The following CCSER1 variants were observed in gnomAD, a reference collection of about 807,000 sequenced individuals.
CCSER1 encodes serine-rich coiled-coil domain-containing protein 1.
Under a neutral mutation model 82.0 loss-of-function variants are expected in CCSER1, and 41 were observed. The ratio of observed to expected loss-of-function variants is 0.50; its 90% CI spans 0.39 to 0.65. The LOEUF (loss-of-function observed/expected upper bound fraction) is 0.65, where lower values mean the gene tolerates loss of function less well. CCSER1 is among the 30% of genes least tolerant of loss of function. The pLI, the probability that CCSER1 is intolerant of heterozygous loss-of-function variation, is 0.00. For synonymous variants in CCSER1, 414 were observed against 383.9 expected (o/e 1.08, Z -0.92); for missense variants, 1,119 against 1,064.2 (o/e 1.05, Z -0.72).
At chr4:91,338,885 A>AT (rs1251448661) in intron 10 of CCSER1, among the ~76,000 whole-genome samples, 7 of 152,068 alleles carry the variant, frequency 4.6e-5, no homozygotes, top group East Asian at 1.9e-4. Context: ...AAAGCACAGA[A>AT]TTTTTTGTTT....
At chr4:90,712,903 C>T (rs72661882) in intron 6 of CCSER1, among the ~76,000 whole-genome samples, 31,198 of 133,408 alleles carry the variant, frequency 0.23, 3,897 homozygotes, top group African/African-American at 0.4. Context: ...TCCTTCGTCT[C>T]TTTTTTTTTT....
chr4:91,397,934 TG>T (rs1270917021), intron 10 of CCSER1, among the ~76,000 whole-genome samples: 1 of 151,912 alleles, frequency 6.6e-6, no homozygotes, highest in Admixed American at 6.6e-5. Context: ...AGGACGGGCA[TG>T]GGTAGAGAGG....
At chr4:90,426,601 G>A (rs1244717581) in intron 4 of CCSER1, among the ~76,000 whole-genome samples, 1 of 151,926 alleles carries the variant, frequency 6.6e-6, no homozygotes, top group Non-Finnish European at 1.5e-5. Flanking sequence ...AGATTTCTTA[G>A]GAATCATGTA....
At chr4:90,803,173 A>G (rs1207601103) in intron 7 of CCSER1, among the ~76,000 whole-genome samples, 1 of 152,120 alleles carries the variant, frequency 6.6e-6, no homozygotes, top group East Asian at 1.9e-4. Context: ...TGAGAATTAG[A>G]AATTATTATT....
At chr4:91,242,663 A>G (rs1234916131) in intron 10 of CCSER1, among the ~76,000 whole-genome samples, 2 of 152,204 alleles carry the variant, frequency 1.3e-5, no homozygotes, top group African/African-American at 4.8e-5. Flanking sequence ...CATTGAAATT[A>G]AAAATATCTA....
chr4:90,416,243 T>C (rs1755768835), intron 4 of CCSER1, among the ~76,000 whole-genome samples: 1 of 152,182 alleles, frequency 6.6e-6, no homozygotes, highest in African/African-American at 2.4e-5. Flanking sequence ...TAAAAATAGG[T>C]TGATGGAAAG....
intron 9 of CCSER1, among the ~76,000 whole-genome samples, chr4:90,948,621 A>C (rs1255803835): frequency 6.6e-6 from 1 of 151,994 alleles, no homozygotes; most frequent in Non-Finnish European, 1.5e-5. Context: ...TTTGGCAATA[A>C]TTTTCTAAGT....
At position 90,987,630 on chromosome 4, in the gene CCSER1, C is replaced by T. The variant is rs144508449; in HGVS notation, c.2172+64183C>T. Reference sequence around the variant, plus strand: ...GAGGAAAAAAAATGAATTTTTATTACTTTTTAATTCAACTTGTGTTTTTTC... The same window carrying T: ...GAGGAAAAAAAATGAATTTTTATTATTTTTTAATTCAACTTGTGTTTTTTC... On this transcript the variant is annotated intron_variant, in intron 9 of 10. Transcript: ENST00000509176. 5.6e-3 allele frequency among the ~76,000 whole-genome samples: 855 copies of T among 151,698 alleles called. 6 individuals carry two copies. Among genetic ancestry groups the T allele is most frequent in the African/African-American group, 0.019 (805 of 41,422 alleles).
intron 5 of CCSER1, among the ~76,000 whole-genome samples, chr4:90,602,330 CT>C (rs1330944337): frequency 6.6e-6 from 1 of 152,084 alleles, no homozygotes; most frequent in Non-Finnish European, 1.5e-5. Flanking sequence ...ATAACCTCCT[CT>C]TTTTATGTAG....
chr4:90,660,847 G>A (rs541262685), intron 6 of CCSER1, among the ~76,000 whole-genome samples: 31 of 152,190 alleles, frequency 2.0e-4, no homozygotes, highest in Middle Eastern at 3.4e-3. Flanking sequence ...GATGGATTTC[G>A]CAATCTTAGA....
At chr4:91,490,509 G>A (rs1027340082) in intron 10 of CCSER1, among the ~76,000 whole-genome samples, 3 of 151,938 alleles carry the variant, frequency 2.0e-5, no homozygotes, top group Admixed American at 6.6e-5. Context: ...TAAACTTCAC[G>A]TGTTATCATT....
intron 1 of CCSER1, among the ~76,000 whole-genome samples, chr4:90,220,208 A>G (rs1011550658): frequency 6.6e-6 from 1 of 152,168 alleles, no homozygotes; most frequent in African/African-American, 2.4e-5. Flanking sequence ...GTGTATGTAT[A>G]AGGAAAAACA....
At chr4:91,295,435 A>C (rs1174424052) in intron 10 of CCSER1, among the ~76,000 whole-genome samples, 1 of 151,958 alleles carries the variant, frequency 6.6e-6, no homozygotes, top group African/African-American at 2.4e-5. Context: ...TACCATAAAG[A>C]TTTTGAGTAC....
chr4:91,388,849 T>G (rs1188756790), intron 10 of CCSER1, among the ~76,000 whole-genome samples: 2 of 152,086 alleles, frequency 1.3e-5, no homozygotes, highest in African/African-American at 4.8e-5. Flanking sequence ...TTTCTCCATA[T>G]AAACTTTAGA....
chr4:91,182,499 A>G (rs906052253), intron 10 of CCSER1, among the ~76,000 whole-genome samples: 2 of 152,124 alleles, frequency 1.3e-5, no homozygotes, highest in African/African-American at 4.8e-5. Flanking sequence ...TCCATATTTT[A>G]TCTCCCCCTT....
At chr4:91,567,829 C>G (rs1762964721) in intron 10 of CCSER1, among the ~76,000 whole-genome samples, 1 of 152,030 alleles carries the variant, frequency 6.6e-6, no homozygotes, top group Non-Finnish European at 1.5e-5. Flanking sequence ...GCTTGCCACT[C>G]TGCATTTTAA....
intron 10 of CCSER1, among the ~76,000 whole-genome samples, chr4:91,207,858 G>T (rs1353843263): frequency 6.6e-6 from 1 of 151,896 alleles, no homozygotes; most frequent in Non-Finnish European, 1.5e-5. Flanking sequence ...CAGTGCATAA[G>T]TGTTCCTTTT....
intron 1 of CCSER1, among the ~76,000 whole-genome samples, chr4:90,233,132 C>A (rs570723617): frequency 1.6e-3 from 245 of 152,096 alleles, no homozygotes; most frequent in Admixed American, 3.7e-3. Context: ...GGGTATATAC[C>A]CAAAGGACTA....
chr4:91,366,290 G>T (rs1231817957), intron 10 of CCSER1, among the ~76,000 whole-genome samples: 1 of 152,102 alleles, frequency 6.6e-6, no homozygotes, highest in Non-Finnish European at 1.5e-5. Context: ...CAAAGTGCTG[G>T]GATTACAGGC....
Sources: allele counts gnomAD v4.1 joint callset (sites outside exome capture counted in the v4.1 genomes callset), GRCh38; gene constraint gnomAD v4.1.1; transcripts MANE v1.5; gene names NCBI Gene and HGNC (gene_info 2026-07-23, HGNC 2026-07-21).